ERC2: variants seen among roughly 807,000 people sequenced by gnomAD.
ERC2 encodes the protein ELKS/RAB6-interacting/CAST family member 2, also known as ERC protein 2.
ERC2 carries 42 observed loss-of-function variants against 114.8 expected under a neutral mutation model. That is an observed-to-expected ratio of 0.37 (90% CI 0.29 to 0.47). ERC2 has a LOEUF of 0.47. Among genes scored for constraint, ERC2 ranks in the 20% least tolerant of loss-of-function variants. The pLI is 0.99. For missense variants in ERC2, 939 were observed against 1,150.7 expected, an observed-to-expected ratio of 0.82 and a Z score of 2.66; for synonymous variants, 454 against 425.5, an observed-to-expected ratio of 1.07 and a Z score of -0.82.
At chr3:56,151,466 G>A (rs2081408406) in intron 4 of ERC2, among the ~76,000 whole-genome samples, 1 of 152,116 alleles carries the variant, frequency 6.6e-6, no homozygotes, top group African/African-American at 2.4e-5. Context: ...ATATCATTAG[G>A]ATTCAAAGGA....
At chr3:56,146,151 G>A (rs2081120012) in intron 5 of ERC2, among the ~76,000 whole-genome samples, 1 of 152,036 alleles carries the variant, frequency 6.6e-6, no homozygotes, top group Admixed American at 6.6e-5. Flanking sequence ...TAGCTGGCAT[G>A]GTGGTGTGCA....
intron 6 of ERC2, among the ~76,000 whole-genome samples, chr3:56,100,488 C>T (rs895399668): frequency 6.6e-6 from 1 of 152,134 alleles, no homozygotes; most frequent in South Asian, 2.1e-4. Context: ...CTTTATACAG[C>T]GTGAGTTAAT....
At chr3:56,146,908 T>C (rs1019009303) in intron 5 of ERC2, among the ~76,000 whole-genome samples, 2 of 152,210 alleles carry the variant, frequency 1.3e-5, no homozygotes, top group Non-Finnish European at 2.9e-5. Flanking sequence ...AAAAGTTAAA[T>C]CTAACTCAAG....
chr3:56,224,389 A>G (rs938107464), intron 3 of ERC2, among the ~76,000 whole-genome samples: 6 of 152,210 alleles, frequency 3.9e-5, no homozygotes, highest in African/African-American at 1.4e-4. Context: ...AAGAAAGATA[A>G]AAATGACCAG....
At chr3:55,526,990 G>A (rs1196479559) in intron 17 of ERC2, among the ~76,000 whole-genome samples, 1 of 152,274 alleles carries the variant, frequency 6.6e-6, no homozygotes, top group African/African-American at 2.4e-5. Context: ...TTGGGAGGAA[G>A]GGATGTCCTG....
At chr3:55,591,184 CTTTT>C (rs5849105) in intron 17 of ERC2, among the ~76,000 whole-genome samples, 1 of 144,642 alleles carries the variant, frequency 6.9e-6, no homozygotes, top group Non-Finnish European at 1.5e-5. Flanking sequence ...TGTCTTTTAG[CTTTT>C]TTTTTTTTTT....
At chr3:56,415,819 C>T (rs189517011) in intron 2 of ERC2, among the ~76,000 whole-genome samples, 2 of 152,312 alleles carry the variant, frequency 1.3e-5, no homozygotes, top group African/African-American at 2.4e-5. Flanking sequence ...CCATCAGCAG[C>T]GCTTGAATAG....
intron 12 of ERC2, among the ~76,000 whole-genome samples, chr3:55,970,454 G>T (rs1016352186): frequency 1.3e-5 from 2 of 151,738 alleles, no homozygotes; most frequent in Non-Finnish European, 2.9e-5. Flanking sequence ...TTTAATAAGG[G>T]TCTAGCATCT....
At chr3:55,526,453 A>G (rs1408405075) in intron 17 of ERC2, among the ~76,000 whole-genome samples, 3 of 152,086 alleles carry the variant, frequency 2.0e-5, no homozygotes, top group East Asian at 1.9e-4. Context: ...GAGATCCAAG[A>G]AGCATCTCCT....
rs532992577 is a variant in ERC2, at chr3:55,683,867, C to T, written c.2848-8G>A. The T allele has an allele frequency of 1.1e-5, 17 of 1,611,462 alleles. No homozygotes were observed. The highest frequency in any genetic ancestry group is 1.7e-4 in the Middle Eastern group (1 of 6,052). On this transcript the variant is annotated splice_region_variant and splice_polypyrimidine_tract_variant and intron_variant, in intron 16 of 17. Transcript: ENST00000288221. ...TATGCCCTCCTCGTCATCCTGCGGC[C>T]GGCCCGAGGTGGGGAGGTGCACAGA...
At chr3:55,746,483 C>G (rs768416231) in intron 14 of ERC2, among the ~76,000 whole-genome samples, 1 of 152,110 alleles carries the variant, frequency 6.6e-6, no homozygotes, top group Non-Finnish European at 1.5e-5. Context: ...ATCCGCCCAC[C>G]TCAGGTGATC....
chr3:56,211,770 C>T (rs1430648559), intron 3 of ERC2, among the ~76,000 whole-genome samples: 6 of 152,120 alleles, frequency 3.9e-5, no homozygotes, highest in Non-Finnish European at 8.8e-5. Flanking sequence ...ACCAATGGAA[C>T]AGAATAGAGA....
chr3:55,754,522 G>C (rs974918656), intron 14 of ERC2, among the ~76,000 whole-genome samples: 2 of 61,486 alleles, frequency 3.3e-5, no homozygotes, highest in African/African-American at 8.2e-5. Context: ...GATTAAAGAA[G>C]TAGCAAAATG....
At chr3:56,014,928 A>C (rs1008121651) in intron 8 of ERC2, among the ~76,000 whole-genome samples, 6 of 152,208 alleles carry the variant, frequency 3.9e-5, no homozygotes, top group African/African-American at 1.4e-4. Context: ...AAAGATGAAA[A>C]GAGAATATCT....
chr3:55,953,734 A>T (rs923950711), intron 12 of ERC2, among the ~76,000 whole-genome samples: 2 of 152,180 alleles, frequency 1.3e-5, no homozygotes, highest in African/African-American at 4.8e-5. Context: ...AAATTTAAAA[A>T]TACTAGATCT....
intron 17 of ERC2, among the ~76,000 whole-genome samples, chr3:55,621,716 T>C (rs1219764789): frequency 6.6e-6 from 1 of 152,182 alleles, no homozygotes; most frequent in Admixed American, 6.5e-5. Context: ...GGGAGATTCC[T>C]TGGGAAAAAG....
intron 1 of ERC2, among the ~76,000 whole-genome samples, chr3:56,463,880 C>T (rs2063426694): frequency 6.6e-6 from 1 of 152,310 alleles, no homozygotes; most frequent in Non-Finnish European, 1.5e-5. Flanking sequence ...GCAGGACCCA[C>T]ATCAGAATAA....
chr3:56,267,801 A>T (rs1232217567), intron 3 of ERC2, among the ~76,000 whole-genome samples: 1 of 152,062 alleles, frequency 6.6e-6, no homozygotes, highest in Non-Finnish European at 1.5e-5. Flanking sequence ...AAACAAAAAA[A>T]CAGGCAGATG....
intron 17 of ERC2, among the ~76,000 whole-genome samples, chr3:55,537,548 G>A (rs1241100242): frequency 6.6e-6 from 1 of 152,166 alleles, no homozygotes; most frequent in Non-Finnish European, 1.5e-5. Flanking sequence ...TCTGCTCCCC[G>A]ACTCGCACTT....
Sources: allele counts gnomAD v4.1 joint callset (sites outside exome capture counted in the v4.1 genomes callset), GRCh38; gene constraint gnomAD v4.1.1; transcripts MANE v1.5; gene names NCBI Gene and HGNC (gene_info 2026-07-23, HGNC 2026-07-21).